The following ZNF385B variants were observed in gnomAD, a reference collection of about 807,000 sequenced individuals.
The protein encoded by ZNF385B is zinc finger protein 385B.
A neutral mutation model predicts 39.2 loss-of-function variants in ZNF385B; 23 were observed. The observed-to-expected ratio is 0.59, with a 90% CI of 0.42 to 0.83. The LOEUF is 0.83. ZNF385B is among the 40% of genes least tolerant of loss of function. ZNF385B has a pLI of 0.00. For synonymous variants in ZNF385B, 205 were observed against 222.6 expected, an observed-to-expected ratio of 0.92 and a Z score of 0.70; for missense variants, 552 against 598.9, an observed-to-expected ratio of 0.92 and a Z score of 0.82.
intron 3 of ZNF385B, among the ~76,000 whole-genome samples, chr2:179,575,270 T>A: frequency 6.6e-6 from 1 of 152,030 alleles, no homozygotes; most frequent in East Asian, 1.9e-4. Flanking sequence ...AACATATATG[T>A]AGAAGAAGAA....
At chr2:179,699,374 G>A (rs1327029031) in intron 3 of ZNF385B, among the ~76,000 whole-genome samples, 2 of 152,028 alleles carry the variant, frequency 1.3e-5, no homozygotes, top group Non-Finnish European at 2.9e-5. Flanking sequence ...TCCTCAAAGG[G>A]CTCTAGTATT....
At chr2:179,822,005 A>G (rs1449500601) in intron 1 of ZNF385B, among the ~76,000 whole-genome samples, 1 of 152,222 alleles carries the variant, frequency 6.6e-6, no homozygotes, top group East Asian at 1.9e-4. Flanking sequence ...TAAAAAAGTA[A>G]AAGCAAGAAA....
chr2:179,783,086 T>C (rs1704767810), intron 1 of ZNF385B, among the ~76,000 whole-genome samples: 1 of 152,126 alleles, frequency 6.6e-6, no homozygotes, highest in African/African-American at 2.4e-5. Context: ...CAAATTATCC[T>C]ACAGGACTAC....
chr2:179,486,168 A>G (rs937714315), intron 5 of ZNF385B, among the ~76,000 whole-genome samples: 25 of 152,208 alleles, frequency 1.6e-4, no homozygotes, highest in Admixed American at 9.8e-4. Flanking sequence ...ATAATGTAGT[A>G]TAATAATATA....
At chr2:179,733,359 A>G (rs1701519358) in intron 3 of ZNF385B, among the ~76,000 whole-genome samples, 1 of 152,208 alleles carries the variant, frequency 6.6e-6, no homozygotes, top group Non-Finnish European at 1.5e-5. Flanking sequence ...TAGCAACTCT[A>G]CAAGCTTTTT....
intron 3 of ZNF385B, among the ~76,000 whole-genome samples, chr2:179,548,299 T>G (rs1253288108): frequency 6.7e-6 from 1 of 149,752 alleles, no homozygotes; most frequent in South Asian, 2.1e-4. Flanking sequence ...AGATTTATAA[T>G]GCTCCTCTCC....
rs1049662662 is a variant in ZNF385B, at chr2:179,761,394, C to A, written c.298+8109G>T. ...CCTGATTTCTAAACACGTGGTATGT[C>A]TCTCCATTTATTTAGGTCTTCCATT... is the stretch of plus-strand genomic sequence containing the variant. On this transcript the variant is annotated intron_variant, in intron 3 of 9. Transcript: ENST00000410066. Among the ~76,000 whole-genome samples the A allele has an allele frequency of 3.7e-4, 56 of 152,082 alleles. 1 individual carries two copies. The highest frequency in any genetic ancestry group is 1.3e-4 in the Admixed American group (2 of 15,266).
intron 5 of ZNF385B, among the ~76,000 whole-genome samples, chr2:179,502,420 G>A (rs2056848956): frequency 6.6e-6 from 1 of 152,156 alleles, no homozygotes; most frequent in South Asian, 2.1e-4. Flanking sequence ...TGGAGGAGAG[G>A]CCTAATGGGA....
At chr2:179,628,457 CT>C (rs1410699941) in intron 3 of ZNF385B, among the ~76,000 whole-genome samples, 1 of 152,196 alleles carries the variant, frequency 6.6e-6, no homozygotes, top group African/African-American at 2.4e-5. Context: ...ACATCTTCCT[CT>C]TTCTTCTGAG....
chr2:179,745,401 G>A (rs1003701139), intron 3 of ZNF385B, among the ~76,000 whole-genome samples: 5 of 152,084 alleles, frequency 3.3e-5, no homozygotes, highest in Non-Finnish European at 1.5e-5. Context: ...TTCAGTAATG[G>A]TAGCAAATTG....
intron 3 of ZNF385B, among the ~76,000 whole-genome samples, chr2:179,669,394 C>G (rs1192539665): frequency 2.6e-5 from 4 of 152,128 alleles, no homozygotes; most frequent in Non-Finnish European, 2.9e-5. Context: ...GCTCGAACTC[C>G]CAAAGATTCA....
chr2:179,835,115 G>T (rs1433979933), intron 1 of ZNF385B, among the ~76,000 whole-genome samples: 1 of 152,220 alleles, frequency 6.6e-6, no homozygotes, highest in Non-Finnish European at 1.5e-5. Flanking sequence ...ATAGTAGATA[G>T]AAGTATTGTA....
intron 3 of ZNF385B, among the ~76,000 whole-genome samples, chr2:179,549,824 G>A (rs1174214007): frequency 1.3e-5 from 2 of 149,144 alleles, no homozygotes; most frequent in Non-Finnish European, 3.0e-5. Flanking sequence ...ATCCATTAGG[G>A]AAGACAGAGT....
intron 3 of ZNF385B, among the ~76,000 whole-genome samples, chr2:179,713,437 C>T (rs1049180534): frequency 2.0e-5 from 3 of 152,076 alleles, no homozygotes; most frequent in African/African-American, 7.2e-5. Context: ...AACTAGTTAG[C>T]TCCTATTTAA....
chr2:179,666,981 GA>G (rs1433554202), intron 3 of ZNF385B, among the ~76,000 whole-genome samples: 1 of 152,078 alleles, frequency 6.6e-6, no homozygotes, highest in Non-Finnish European at 1.5e-5. Context: ...ATATTAAGAT[GA>G]AAACTCCCAG....
intron 6 of ZNF385B, among the ~76,000 whole-genome samples, chr2:179,481,669 A>G (rs1198891512): frequency 2.0e-5 from 3 of 152,154 alleles, no homozygotes; most frequent in Non-Finnish European, 2.9e-5. Context: ...ACTAACCTCC[A>G]TTGTTTTATC....
intron 3 of ZNF385B, among the ~76,000 whole-genome samples, chr2:179,684,749 A>G (rs1412889305): frequency 6.6e-6 from 1 of 152,212 alleles, no homozygotes; most frequent in African/African-American, 2.4e-5. Flanking sequence ...AACCCTACCT[A>G]GTTCATCCAC....
chr2:179,527,304 T>A (rs549003510), intron 4 of ZNF385B, among the ~76,000 whole-genome samples: 1 of 152,274 alleles, frequency 6.6e-6, no homozygotes, highest in African/African-American at 2.4e-5. Flanking sequence ...AGAATAGCAT[T>A]TCATTTTTTT....
At chr2:179,847,482 G>A (rs993488362) in intron 1 of ZNF385B, among the ~76,000 whole-genome samples, 8 of 152,176 alleles carry the variant, frequency 5.3e-5, no homozygotes, top group Non-Finnish European at 1.0e-4. Context: ...TTCCCTGCCC[G>A]ATCTCACCAC....
Sources: gnomAD v4.1 joint callset for allele counts (sites outside exome capture counted in the v4.1 genomes callset) on GRCh38, gnomAD v4.1.1 for gene constraint, MANE v1.5 for transcripts, NCBI Gene and HGNC (gene_info 2026-07-23, HGNC 2026-07-21) for gene names.